The following SH2D4B variants were observed in gnomAD, a reference collection of about 807,000 sequenced individuals.
SH2D4B encodes the protein SH2 domain containing 4B.
In SH2D4B, 45 loss-of-function variants were observed where a neutral mutation model predicts 61.5. The ratio of observed to expected loss-of-function variants is 0.73; its 90% CI spans 0.58 to 0.94. The LOEUF is 0.94. Among genes scored for constraint, SH2D4B ranks in the 40% least tolerant of loss-of-function variants. The pLI is 0.00. For synonymous variants in SH2D4B, 224 were observed against 220.4 expected (o/e 1.02, Z -0.14); for missense variants, 572 against 574.2 (o/e 1.00, Z 0.04).
At chr10:80,566,927 C>G (rs974461466) in intron 1 of SH2D4B, among the ~76,000 whole-genome samples, 1 of 152,146 alleles carries the variant, frequency 6.6e-6, no homozygotes, top group African/African-American at 2.4e-5. Flanking sequence ...TTGTAACATA[C>G]TTAAAAATAG....
At chr10:80,596,065 G>T (rs1292668450) in intron 4 of SH2D4B, among the ~76,000 whole-genome samples, 2 of 152,152 alleles carry the variant, frequency 1.3e-5, no homozygotes, top group African/African-American at 2.4e-5. Flanking sequence ...TGGGACCTGG[G>T]TTTCACTGTT....
intron 1 of SH2D4B, among the ~76,000 whole-genome samples, chr10:80,562,160 T>TG (rs1215806574): frequency 6.6e-6 from 1 of 152,052 alleles, no homozygotes; most frequent in African/African-American, 2.4e-5. Flanking sequence ...AGTGAGATAA[T>TG]GTGGTATTTG....
intron 7 of SH2D4B, among the ~76,000 whole-genome samples, chr10:80,640,947 A>G (rs931915057): frequency 6.6e-6 from 1 of 152,080 alleles, no homozygotes; most frequent in Non-Finnish European, 1.5e-5. Flanking sequence ...TTTGGTTGCA[A>G]TATTGGTGAC....
intron 5 of SH2D4B, among the ~76,000 whole-genome samples, chr10:80,605,703 G>C (rs995559174): frequency 2.0e-5 from 3 of 152,084 alleles, no homozygotes; most frequent in Non-Finnish European, 4.4e-5. Context: ...ATTTTTAGTA[G>C]AGACAGAGTT....
chr10:80,578,659 G>C (rs1391622548), intron 3 of SH2D4B, among the ~76,000 whole-genome samples: 3 of 152,170 alleles, frequency 2.0e-5, no homozygotes, highest in African/African-American at 7.2e-5. Context: ...CTACATTAAG[G>C]GGGTGGACTT....
intron 1 of SH2D4B, among the ~76,000 whole-genome samples, chr10:80,542,394 C>CTTTT (rs1841592677): frequency 8.1e-6 from 1 of 123,928 alleles, no homozygotes. Context: ...CCTGTCAGTT[C>CTTTT]TATCTTTTTT....
At chr10:80,616,263 C>T (rs1842658991) in intron 6 of SH2D4B, among the ~76,000 whole-genome samples, 1 of 152,174 alleles carries the variant, frequency 6.6e-6, no homozygotes, top group South Asian at 2.1e-4. Context: ...ATTTTCTTCT[C>T]TTGGGCAGAA....
At chr10:80,555,374 G>A (rs1016176034) in intron 1 of SH2D4B, among the ~76,000 whole-genome samples, 1 of 151,678 alleles carries the variant, frequency 6.6e-6, no homozygotes, top group Non-Finnish European at 1.5e-5. Flanking sequence ...CCTGCCTACT[G>A]TTCACATTTC....
intron 3 of SH2D4B, among the ~76,000 whole-genome samples, chr10:80,587,806 A>G (rs2176106): frequency 6.6e-6 from 1 of 151,992 alleles, no homozygotes; most frequent in African/African-American, 2.4e-5. Flanking sequence ...ATGAGTACCC[A>G]GTGTTTAGCT....
chr10:80,595,297 C>T (rs1842373011), intron 4 of SH2D4B, among the ~76,000 whole-genome samples: 1 of 152,206 alleles, frequency 6.6e-6, no homozygotes, highest in Non-Finnish European at 1.5e-5. Flanking sequence ...TTCTGTTTCT[C>T]TCTCCTAGGG....
At chr10:80,630,425 A>G (rs1490612636) in intron 6 of SH2D4B, among the ~76,000 whole-genome samples, 1 of 152,108 alleles carries the variant, frequency 6.6e-6, no homozygotes, top group Admixed American at 6.5e-5. Context: ...CCTATTTACT[A>G]ATCTACTGTG....
chr10:80,571,316 C>T, intron 2 of SH2D4B, 115 bp from the exon 3 acceptor site: 2 of 1,235,806 alleles, frequency 1.6e-6, no homozygotes, highest in Non-Finnish European at 2.2e-6. Flanking sequence ...TCTTTGCCAA[C>T]ACCGAATTCT....
chr10:80,588,572 C>T (rs1022285686), intron 3 of SH2D4B, 58 bp from the exon 4 acceptor site: 10 of 1,592,572 alleles, frequency 6.3e-6, no homozygotes, highest in Non-Finnish European at 7.7e-6. Context: ...ATATTTCTTT[C>T]TCGTTTCTCT....
chr10:80,594,451 C>G (rs1276497024), intron 4 of SH2D4B, among the ~76,000 whole-genome samples: 2 of 152,128 alleles, frequency 1.3e-5, no homozygotes, highest in African/African-American at 4.8e-5. Flanking sequence ...GTTTTATTTT[C>G]TTTGATGTTT....
intron 7 of SH2D4B, among the ~76,000 whole-genome samples, chr10:80,639,707 A>T (rs1431214760): frequency 6.6e-6 from 1 of 152,144 alleles, no homozygotes; most frequent in Admixed American, 6.5e-5. Flanking sequence ...TGAATACAGC[A>T]CACTGATGGG....
chr10:80,638,824 G>A (rs1407027671), intron 7 of SH2D4B, among the ~76,000 whole-genome samples: 1 of 152,072 alleles, frequency 6.6e-6, no homozygotes, highest in Non-Finnish European at 1.5e-5. Context: ...CTTGCCTTCT[G>A]CTAGCTTTTG....
intron 1 of SH2D4B, among the ~76,000 whole-genome samples, chr10:80,568,935 T>A (rs907076178): frequency 6.6e-6 from 1 of 152,238 alleles, no homozygotes; most frequent in Non-Finnish European, 1.5e-5. Flanking sequence ...GTCTAGCTTT[T>A]TAACTGAATG....
intron 1 of SH2D4B, among the ~76,000 whole-genome samples, chr10:80,566,304 T>C (rs917625316): frequency 3.3e-5 from 5 of 149,998 alleles, no homozygotes; most frequent in African/African-American, 9.8e-5. Context: ...TTTCTTTTTT[T>C]TTTTTTTTTG....
In SH2D4B at chr10:80,609,471, T is replaced by C. The variant is rs1296387447; in HGVS notation, c.908T>C (p.Val303Ala). ...PLRPVSRDVI[V>A]RWFKEEQLPR... ...CGCCCAGTCTCCAGAGATGTCATCG[T>C]CCGCTGGTTTAAGGAGGAGCAGCTG... Residue 303 changes from valine (V) to alanine (A), a missense_variant, in exon 6 of 8, where the codon GTC (valine) becomes GCC (alanine). Transcript: ENST00000646907. The C allele has an allele frequency of 9.3e-6, 15 of 1,614,206 alleles. No individual in the cohort carries two copies. Among genetic ancestry groups the C allele is most frequent in the Non-Finnish European group, 1.3e-5 (15 of 1,180,034 alleles).
Sources: gnomAD v4.1 joint callset for allele counts (sites outside exome capture counted in the v4.1 genomes callset) on GRCh38, gnomAD v4.1.1 for gene constraint, MANE v1.5 for transcripts, NCBI Gene and HGNC (gene_info 2026-07-23, HGNC 2026-07-21) for gene names.